Variants in UGT1A6 observed in about 807,000 individuals in gnomAD.
UGT1A6 encodes UDP glucuronosyltransferase family 1 member A6.
A neutral mutation model predicts 44.4 loss-of-function variants in UGT1A6; 32 were observed. The ratio of observed to expected loss-of-function variants is 0.72; its 90% CI spans 0.54 to 0.97. The LOEUF is 0.97. UGT1A6 is among the 50% of genes least tolerant of loss of function. The pLI, the probability that UGT1A6 is intolerant of heterozygous loss-of-function variation, is 0.00. For synonymous variants in UGT1A6, 238 were observed against 248.5 expected, an observed-to-expected ratio of 0.96 and a Z score of 0.40; for missense variants, 685 against 661.9, an observed-to-expected ratio of 1.03 and a Z score of -0.38.
At chr2:233,702,817 T>C (rs933179108) in intron 1 of UGT1A6, among the ~76,000 whole-genome samples, 1 of 152,218 alleles carries the variant, frequency 6.6e-6, no homozygotes, top group Non-Finnish European at 1.5e-5. Context: ...TCCCACTTGA[T>C]TGTGTTGTAT....
In UGT1A6 at chr2:233,749,593, A is replaced by G. The variant is rs751828786; in HGVS notation, c.862-17441A>G. Among the ~76,000 whole-genome samples the G allele has an allele frequency of 2.6e-5, 4 of 151,948 alleles. No individual in the cohort carries two copies. In the South Asian group the frequency reaches 8.3e-4, roughly 32 times the overall value. On this transcript the variant is annotated intron_variant, in intron 1 of 4. Coordinates refer to ENST00000305139, the MANE Select transcript of UGT1A6 (RefSeq NM_001072.4). ...GGCCACTGACTCTGTCTCAACATGA[A>G]GTCACACTAGATTTATCATGATTTG... is the stretch of plus-strand genomic sequence containing the variant.
chr2:233,697,528 G>A (rs1448726648), intron 1 of UGT1A6, among the ~76,000 whole-genome samples: 1 of 142,188 alleles, frequency 7.0e-6, no homozygotes, highest in African/African-American at 2.6e-5. Context: ...AAAACTTTTT[G>A]TTTCATTGGT....
chr2:233,742,052 G>C (rs146940550), intron 1 of UGT1A6: 14 of 152,060 alleles, frequency 9.2e-5, no homozygotes, highest in African/African-American at 3.4e-4. Context: ...CAATAGGATA[G>C]TTCTGTGTGG....
chr2:233,719,190 C>T (rs772886660), intron 1 of UGT1A6: 2 of 1,614,200 alleles, frequency 1.2e-6, no homozygotes, highest in Non-Finnish European at 1.7e-6. Flanking sequence ...ATCTTTGGCC[C>T]TTCATAGGTG....
intron 2 of UGT1A6, 82 bp from the exon 3 acceptor site, chr2:233,767,765 CCT>C (rs1699477727): frequency 9.3e-6 from 15 of 1,608,904 alleles, no homozygotes; most frequent in Admixed American, 1.7e-5. Context: ...TCAGAGGACC[CCT>C]GTTTTCTAGT....
chr2:233,718,895 G>A (rs1353556395), intron 1 of UGT1A6: 3 of 1,614,026 alleles, frequency 1.9e-6, no homozygotes, highest in Non-Finnish European at 8.5e-7. Context: ...TCCAGCCCTG[G>A]GCTGAGAGTG....
chr2:233,756,931 T>G (rs1696359277), intron 1 of UGT1A6, among the ~76,000 whole-genome samples: 1 of 152,070 alleles, frequency 6.6e-6, no homozygotes, highest in Non-Finnish European at 1.5e-5. Context: ...AACCTCTAGT[T>G]ACATAACCTG....
At chr2:233,738,140 C>T (rs975001541) in intron 1 of UGT1A6, among the ~76,000 whole-genome samples, 3 of 152,224 alleles carry the variant, frequency 2.0e-5, no homozygotes, top group African/African-American at 7.2e-5. Context: ...CTTATCCCTT[C>T]ACTTGCAAGC....
chr2:233,714,706 G>A (rs974627054), intron 1 of UGT1A6, among the ~76,000 whole-genome samples: 3 of 152,098 alleles, frequency 2.0e-5, no homozygotes, highest in Non-Finnish European at 2.9e-5. Context: ...ACTGTTTAAC[G>A]TAGCTTTTTT....
chr2:233,726,352 A>G (rs1342546979), intron 1 of UGT1A6, among the ~76,000 whole-genome samples: 1 of 152,162 alleles, frequency 6.6e-6, no homozygotes, highest in Non-Finnish European at 1.5e-5. Context: ...TGATTTATTT[A>G]TTTAAAACAC....
intron 1 of UGT1A6, among the ~76,000 whole-genome samples, chr2:233,716,995 G>T (rs1230366985): frequency 6.6e-6 from 1 of 152,142 alleles, no homozygotes; most frequent in Non-Finnish European, 1.5e-5. Flanking sequence ...GCTGTCCTCA[G>T]GGCCCCTATG....
chr2:233,731,811 GGCTGTGTCAAAT>G (rs1424533817), intron 1 of UGT1A6, among the ~76,000 whole-genome samples: 1 of 152,090 alleles, frequency 6.6e-6, no homozygotes, highest in Non-Finnish European at 1.5e-5. Flanking sequence ...GTAATGGTAT[GGCTGTGTCAAAT>G]GGTATTTCTA....
chr2:233,705,257 T>C (rs2075836592), intron 1 of UGT1A6, among the ~76,000 whole-genome samples: 1 of 152,236 alleles, frequency 6.6e-6, no homozygotes, highest in Admixed American at 6.5e-5. Flanking sequence ...GATTATTCTA[T>C]GGGGTCACTT....
intron 1 of UGT1A6, chr2:233,718,024 G>A (rs566004281): frequency 1.0e-5 from 4 of 386,248 alleles, no homozygotes; most frequent in South Asian, 1.9e-5. Context: ...CAGCTCCCCA[G>A]GTCCTTTGGT....
intron 1 of UGT1A6, chr2:233,713,102 T>C: frequency 1.9e-6 from 3 of 1,614,146 alleles, no homozygotes; most frequent in Non-Finnish European, 2.5e-6. Context: ...TGCCCACTGA[T>C]GGCAGCCACT....
rs28898583 is a variant in UGT1A6, at chr2:233,699,673, G to A, written c.861+5808G>A. ...CCTGAATACAGGCTGAAACTTTCTCGCTGAGAGGTGATAAAAACAATGAAT... is the reference window on the plus strand; with the variant it reads ...CCTGAATACAGGCTGAAACTTTCTCACTGAGAGGTGATAAAAACAATGAAT... On this transcript the variant is annotated intron_variant, in intron 1 of 4. Coordinates refer to ENST00000305139, the MANE Select transcript of UGT1A6 (RefSeq NM_001072.4). Among the ~76,000 whole-genome samples, 368 of 152,258 alleles carry A rather than the reference G, an allele frequency of 2.4e-3. 1 individual carries two copies. The highest frequency in any genetic ancestry group is 8.3e-3 in the African/African-American group (344 of 41,534).
At position 233,722,845 on chromosome 2, in the gene UGT1A6, C is replaced by CTTT. The variant is rs61550889; in HGVS notation, c.861+28992_861+28994dup. Among the ~76,000 whole-genome samples the CTTT allele has an allele frequency of 2.2e-4, 30 of 135,360 alleles. 2 individuals carry two copies. The highest frequency in any genetic ancestry group is 7.7e-4 in the African/African-American group (28 of 36,400). The allele number at this position is 135,360 out of a possible 152,430, so 88.8% of individuals were successfully genotyped here. ...ATTTTGTATTATAATAAGAATGTTT[C>CTTT]TTTTTTTTTTTTTTGAAGGAAAAAA... On this transcript the variant is annotated intron_variant, in intron 1 of 4. Transcript: ENST00000305139.
intron 1 of UGT1A6, among the ~76,000 whole-genome samples, chr2:233,727,385 C>T (rs892403095): frequency 5.3e-5 from 8 of 152,128 alleles, no homozygotes; most frequent in African/African-American, 9.7e-5. Context: ...GGAGTACCAC[C>T]GTCTTCCAAG....
rs561823899 is a variant in UGT1A6 at position 233,704,839 on chromosome 2, G to A, written c.861+10974G>A. ...CTTTTTAGGATTGCTTTTAAAATCA[G>A]TTAAGAGAATAGGGCCGGGCACGGT... On this transcript the variant is annotated intron_variant, in intron 1 of 4. Transcript: ENST00000305139. Among the ~76,000 whole-genome samples, 3 of 152,072 alleles carry A rather than the reference G, an allele frequency of 2.0e-5. No homozygotes were observed. In the South Asian group the frequency reaches 6.2e-4, roughly 32 times the overall value.
Sources: allele counts gnomAD v4.1 joint callset (sites outside exome capture counted in the v4.1 genomes callset), GRCh38; gene constraint gnomAD v4.1.1; transcripts MANE v1.5; gene names NCBI Gene and HGNC (gene_info 2026-07-23, HGNC 2026-07-21).